The following GPR158 variants were observed in gnomAD, a reference collection of about 807,000 sequenced individuals.
The protein encoded by GPR158 is G protein-coupled receptor 158.
GPR158 carries 30 observed loss-of-function variants against 78.2 expected under a neutral mutation model. That is an observed-to-expected ratio of 0.38 (90% CI 0.29 to 0.52). The LOEUF (loss-of-function observed/expected upper bound fraction) is 0.52. GPR158 is among the 20% of genes least tolerant of loss of function. The pLI is 0.83. For synonymous variants in GPR158, 581 were observed against 591.1 expected, an observed-to-expected ratio of 0.98 and a Z score of 0.25; for missense variants, 1,463 against 1,523.5, an observed-to-expected ratio of 0.96 and a Z score of 0.66.
chr10:25,275,917 T>TA (rs754104846), intron 2 of GPR158, among the ~76,000 whole-genome samples: 5 of 152,144 alleles, frequency 3.3e-5, no homozygotes, highest in Non-Finnish European at 7.4e-5. Flanking sequence ...GGCATGTTAT[T>TA]AAAAAAATCT....
chr10:25,281,409 C>CAAA (rs749627659), intron 2 of GPR158, among the ~76,000 whole-genome samples: 1 of 68,522 alleles, frequency 1.5e-5, no homozygotes, highest in African/African-American at 4.6e-5. Flanking sequence ...ACCAAAAATA[C>CAAA]AAAAAAAAAA....
At chr10:25,384,614 T>C (rs1361182360) in intron 2 of GPR158, among the ~76,000 whole-genome samples, 1 of 152,128 alleles carries the variant, frequency 6.6e-6, no homozygotes, top group East Asian at 1.9e-4. Context: ...TTTATTTGAT[T>C]TTTTTTTCTG....
At chr10:25,278,793 G>A (rs1019139215) in intron 2 of GPR158, among the ~76,000 whole-genome samples, 1 of 151,524 alleles carries the variant, frequency 6.6e-6, no homozygotes, top group Admixed American at 6.6e-5. Flanking sequence ...CTGAAGTCAA[G>A]TGCCTAGAAA....
chr10:25,529,594 A>G (rs1307463582), intron 5 of GPR158, among the ~76,000 whole-genome samples: 1 of 152,186 alleles, frequency 6.6e-6, no homozygotes, highest in East Asian at 1.9e-4. Context: ...TCTCAGATAC[A>G]AGTACAAGAT....
chr10:25,394,582 C>T (rs1049294318), intron 2 of GPR158, among the ~76,000 whole-genome samples: 1 of 152,112 alleles, frequency 6.6e-6, no homozygotes, highest in African/African-American at 2.4e-5. Context: ...TTGACTGGTA[C>T]TCTTGCTATT....
intron 4 of GPR158, among the ~76,000 whole-genome samples, chr10:25,462,870 C>A (rs561367811): frequency 6.6e-6 from 1 of 152,194 alleles, no homozygotes; most frequent in East Asian, 1.9e-4. Flanking sequence ...GGTGAAGATG[C>A]TATGGACATT....
At chr10:25,429,969 C>T (rs1004979130) in intron 4 of GPR158, among the ~76,000 whole-genome samples, 1 of 137,916 alleles carries the variant, frequency 7.3e-6, no homozygotes, top group East Asian at 2.0e-4. Context: ...GATGCCCTCT[C>T]TCACCACTCC....
intron 4 of GPR158, among the ~76,000 whole-genome samples, chr10:25,414,654 T>A (rs954677868): frequency 4.6e-5 from 7 of 152,142 alleles, no homozygotes; most frequent in African/African-American, 1.7e-4. Flanking sequence ...GAATTTAGAT[T>A]TGCTTTTTAA....
At chr10:25,445,675 G>C (rs550297499) in intron 4 of GPR158, among the ~76,000 whole-genome samples, 1 of 151,990 alleles carries the variant, frequency 6.6e-6, no homozygotes, top group Non-Finnish European at 1.5e-5. Context: ...TGGAAGAAAG[G>C]GGGTAATTTC....
intron 2 of GPR158, among the ~76,000 whole-genome samples, chr10:25,235,762 T>A (rs1195055029): frequency 6.7e-6 from 1 of 148,300 alleles, no homozygotes; most frequent in Non-Finnish European, 1.5e-5. Context: ...AGTGGCAAGA[T>A]CTCAGTTAAC....
chr10:25,422,756 C>T (rs537419719), intron 4 of GPR158, among the ~76,000 whole-genome samples: 48 of 151,672 alleles, frequency 3.2e-4, no homozygotes, highest in Non-Finnish European at 4.1e-4. Context: ...TTGGGTTACA[C>T]GAATAAGTTC....
At chr10:25,323,683 C>CTTTT (rs75076220) in intron 2 of GPR158, among the ~76,000 whole-genome samples, 2 of 142,690 alleles carry the variant, frequency 1.4e-5, no homozygotes, top group Admixed American at 1.4e-4. Flanking sequence ...CCAGCTATTA[C>CTTTT]TTTTTTTTTT....
chr10:25,179,858 A>G (rs1852592055), intron 1 of GPR158, among the ~76,000 whole-genome samples: 3 of 152,192 alleles, frequency 2.0e-5, no homozygotes, highest in East Asian at 3.8e-4. Context: ...TTTTACTTTT[A>G]ACATTAGCTT....
intron 1 of GPR158, among the ~76,000 whole-genome samples, chr10:25,202,765 TACCCAGTAATGGGATTGCTGGG>T (rs1302475131): frequency 6.6e-6 from 1 of 152,234 alleles, no homozygotes; most frequent in African/African-American, 2.4e-5. Context: ...TTTGGGCATA[TACCCAGTAATGGGATTGCTGGG>T]TCAAATGGTA....
rs184945512 is a variant in GPR158 at position 25,390,955 on chromosome 10, G to C, written c.1009-4956G>C. Among the ~76,000 whole-genome samples the C allele has an allele frequency of 4.9e-3, 744 of 152,272 alleles. 10 individuals are homozygous for C. The highest frequency in any genetic ancestry group is 0.016 in the African/African-American group (684 of 41,558). The stretch of plus-strand genomic sequence containing the variant: ...GGCTCCCCTGCTTTGTGCAGTCTTA[G>C]GACTTGGTGCCCCGTGTGTCAGCTG... On this transcript the variant is annotated intron_variant, in intron 2 of 10. Coordinates refer to ENST00000376351, the MANE Select transcript of GPR158 (RefSeq NM_020752.3).
rs368235398 is a variant in GPR158, at chr10:25,221,004, C to T, written c.903-48C>T. The T allele has an allele frequency of 3.1e-5, 32 of 1,019,964 alleles. No homozygotes were observed. The African/African-American group carries it at 4.2e-4, about 13-fold the overall frequency. 63.2% of individuals were successfully genotyped at this position (1,019,964 alleles called of 1,614,324 possible). ...TTTCAAGCTTAAAATACAGAGAAAT[C>T]ATAAATGTCCAGATTAATTTGTTCT... On this transcript the variant is annotated intron_variant, in intron 1 of 10. Transcript: ENST00000376351.
chr10:25,418,618 C>T (rs954270476), intron 4 of GPR158, among the ~76,000 whole-genome samples: 21 of 150,324 alleles, frequency 1.4e-4, no homozygotes, highest in African/African-American at 2.0e-4. Context: ...TGACAAGTAA[C>T]ATTTTTCTAT....
intron 5 of GPR158, among the ~76,000 whole-genome samples, chr10:25,516,895 C>T (rs1285941206): frequency 7.1e-6 from 1 of 139,874 alleles, no homozygotes; most frequent in African/African-American, 2.9e-5. Context: ...TAGTTTTTTC[C>T]AATTCTGTGA....
chr10:25,478,493 CGTGTGTGT>C (rs71399974), intron 5 of GPR158, among the ~76,000 whole-genome samples: 21,048 of 145,076 alleles, frequency 0.15, 1,566 homozygotes, highest in African/African-American at 0.19. Context: ...ATATATAATG[CGTGTGTGT>C]GTGTGTGTGT....
Sources: gnomAD v4.1 joint callset for allele counts (sites outside exome capture counted in the v4.1 genomes callset) on GRCh38, gnomAD v4.1.1 for gene constraint, MANE v1.5 for transcripts, NCBI Gene and HGNC (gene_info 2026-07-23, HGNC 2026-07-21) for gene names.